SPAM1: variants seen among roughly 807,000 people sequenced by gnomAD.
The protein encoded by SPAM1 is sperm adhesion molecule 1.
In SPAM1, 22 loss-of-function variants were observed where a neutral mutation model predicts 29.6. The observed-to-expected ratio is 0.74, with a 90% CI of 0.53 to 1.06. The LOEUF (loss-of-function observed/expected upper bound fraction) is 1.06, where lower values mean the gene tolerates loss of function less well. Ranked by LOEUF, SPAM1 falls within the 50% of genes least tolerant of loss-of-function variation. The pLI, the probability that SPAM1 is intolerant of heterozygous loss-of-function variation, is 0.00. For synonymous variants in SPAM1, 194 were observed against 204.6 expected (o/e 0.95, Z 0.44); for missense variants, 534 against 604.0 (o/e 0.88, Z 1.21).
At chr7:123,934,929 A>G (rs1808206914) in intron 1 of SPAM1, among the ~76,000 whole-genome samples, 1 of 152,162 alleles carries the variant, frequency 6.6e-6, no homozygotes, top group Admixed American at 6.5e-5. Flanking sequence ...CATTATAATT[A>G]ACAATTTATT....
rs527682839 is a variant in SPAM1, at chr7:123,956,922, G to A, written c.1044+1836G>A. On this transcript the variant is annotated intron_variant, in intron 4 of 4. Transcript: ENST00000682466. ...ATATATATACAAATGATAAGAACCA[G>A]GTCTTACCTATTAGAGAGCCAATTT... Among the ~76,000 whole-genome samples, 34 of 151,904 alleles carry A rather than the reference G, an allele frequency of 2.2e-4. No homozygotes were observed. In the South Asian group the frequency reaches 6.4e-3, roughly 29 times the overall value.
At chr7:123,970,992 A>G (rs909528912) in intron 6 of SPAM1, 10 of 150,236 alleles carry the variant, frequency 6.7e-5, no homozygotes, top group Non-Finnish European at 1.2e-4. Flanking sequence ...CTGTCTCATG[A>G]TCAATATCCT....
chr7:123,963,306 T>C (rs1417748323), downstream of SPAM1, among the ~76,000 whole-genome samples: 2 of 151,720 alleles, frequency 1.3e-5, no homozygotes, highest in Non-Finnish European at 2.9e-5. Flanking sequence ...TTCTAATCAG[T>C]AATGTTGACA....
chr7:123,963,906 T>C (rs556115745), downstream of SPAM1, among the ~76,000 whole-genome samples: 1 of 152,044 alleles, frequency 6.6e-6, no homozygotes, highest in South Asian at 2.1e-4. Flanking sequence ...ACAGTGCTTG[T>C]TATAAGAATG....
At position 123,959,691 on chromosome 7, in the gene SPAM1, C is replaced by T. The variant is rs145201845; in HGVS notation, c.1252C>T (p.Arg418Cys). 2.0e-5 allele frequency: 32 copies of T among 1,613,164 alleles called. 1 individual carries two copies. The highest frequency in any genetic ancestry group is 2.4e-5 in the Non-Finnish European group (28 of 1,179,516). Residue 418 changes from arginine (R) to cysteine (C), a missense_variant, in exon 5 of 5, where the codon CGT becomes TGT. Physicochemically the swap from Arg to Cys is radical, Grantham distance 180 (BLOSUM62 -3). Transcript: ENST00000682466. ...QLEKGGKFTV[R>C]GKPTLEDLEQ... ...TGAGAAAGGTGGAAAGTTCACAGTA[C>T]GTGGAAAACCGACACTTGAAGACCT...
At chr7:123,949,134 C>A (rs1808685933) in intron 1 of SPAM1, among the ~76,000 whole-genome samples, 1 of 151,984 alleles carries the variant, frequency 6.6e-6, no homozygotes, top group Non-Finnish European at 1.5e-5. Flanking sequence ...GAACAAGAAT[C>A]CCCTGTACAA....
chr7:123,960,485 A>T (rs1161221768), downstream of SPAM1, among the ~76,000 whole-genome samples: 1 of 126,576 alleles, frequency 7.9e-6, no homozygotes, highest in Non-Finnish European at 1.7e-5. Flanking sequence ...GAGGGAAGAG[A>T]TAAGGGAAAA....
intron 1 of SPAM1, chr7:123,932,044 A>G (rs1466520755): frequency 1.3e-5 from 2 of 152,248 alleles, no homozygotes; most frequent in Admixed American, 6.5e-5. Flanking sequence ...AGACAGAGAC[A>G]TAGGAAAACA....
intron 5 of SPAM1, among the ~76,000 whole-genome samples, chr7:123,967,609 CAT>C (rs1792445012): frequency 6.6e-6 from 1 of 151,466 alleles, no homozygotes; most frequent in Admixed American, 6.6e-5. Context: ...CATGTGTGCA[CAT>C]GTGTGGGTGT....
At chr7:123,963,458 T>C (rs189925564), downstream of SPAM1, among the ~76,000 whole-genome samples, 23 of 151,948 alleles carry the variant, frequency 1.5e-4, no homozygotes, top group Non-Finnish European at 1.6e-4. Context: ...CAATAGATTA[T>C]AGTGTGAAAA....
intron 4 of SPAM1, 97 bp from the exon 5 acceptor site, chr7:123,959,387 C>T (rs1251264896): frequency 3.8e-6 from 3 of 785,912 alleles, no homozygotes. Context: ...CTCTGGTTTT[C>T]ATTCTTCTGT....
intron 1 of SPAM1, among the ~76,000 whole-genome samples, chr7:123,937,483 C>T (rs186316052): frequency 4.7e-4 from 72 of 151,784 alleles, no homozygotes; most frequent in African/African-American, 1.5e-3. Flanking sequence ...CGCCTGTAGT[C>T]CCAGCTACTC....
At chr7:123,958,996 T>G (rs936170793) in intron 4 of SPAM1, among the ~76,000 whole-genome samples, 1 of 152,010 alleles carries the variant, frequency 6.6e-6, no homozygotes, top group African/African-American at 2.4e-5. Context: ...GGCATCATAA[T>G]TATCCTTATT....
intron 1 of SPAM1, among the ~76,000 whole-genome samples, chr7:123,940,524 T>C (rs762572107): frequency 9.2e-5 from 14 of 151,990 alleles, no homozygotes; most frequent in Non-Finnish European, 1.6e-4. Flanking sequence ...GGCCTCACTT[T>C]GTCATCCGGG....
At chr7:123,965,784 G>T (rs1054963812) in intron 5 of SPAM1, among the ~76,000 whole-genome samples, 1 of 151,910 alleles carries the variant, frequency 6.6e-6, no homozygotes, top group South Asian at 2.1e-4. Context: ...TGCCTGTTTG[G>T]GCTCTTTTTC....
chr7:123,934,123 A>G (rs1301934325), intron 1 of SPAM1, among the ~76,000 whole-genome samples: 1 of 152,190 alleles, frequency 6.6e-6, no homozygotes, highest in African/African-American at 2.4e-5. Flanking sequence ...AATAGGCTAT[A>G]TCATCTAGGT....
downstream of SPAM1, among the ~76,000 whole-genome samples, chr7:123,963,036 A>C (rs1322282452): frequency 6.6e-6 from 1 of 151,926 alleles, no homozygotes; most frequent in Non-Finnish European, 1.5e-5. Context: ...TATTTTATGG[A>C]AACTTTTTTC....
chr7:123,935,179 T>C (rs962784879), intron 1 of SPAM1, among the ~76,000 whole-genome samples: 1 of 152,148 alleles, frequency 6.6e-6, no homozygotes, highest in African/African-American at 2.4e-5. Context: ...AGGGTGCCTG[T>C]ACATGGGAAA....
downstream of SPAM1, among the ~76,000 whole-genome samples, chr7:123,960,231 A>G (rs1450879737): frequency 6.6e-6 from 1 of 152,006 alleles, no homozygotes; most frequent in African/African-American, 2.4e-5. Flanking sequence ...ACAGAAACTC[A>G]TATTATCTGT....
Sources: allele counts gnomAD v4.1 joint callset (sites outside exome capture counted in the v4.1 genomes callset), GRCh38; gene constraint gnomAD v4.1.1; transcripts MANE v1.5; gene names NCBI Gene and HGNC (gene_info 2026-07-23, HGNC 2026-07-21).